The following REN variants were observed in gnomAD, a reference collection of about 807,000 sequenced individuals.
The protein encoded by REN is renin.
A neutral mutation model predicts 48.6 loss-of-function variants in REN; 42 were observed. The observed-to-expected ratio is 0.86, with a 90% CI of 0.68 to 1.12. REN has a LOEUF of 1.12. Among genes scored for constraint, REN ranks in the 50% most tolerant of loss-of-function variants. REN has a pLI of 0.00. For missense variants in REN, 443 were observed against 527.3 expected (o/e 0.84, Z 1.57); for synonymous variants, 196 against 204.6 (o/e 0.96, Z 0.36).
chr1:204,161,698 T>G (rs1219301336), intron 2 of REN, among the ~76,000 whole-genome samples: 1 of 151,940 alleles, frequency 6.6e-6, no homozygotes, highest in African/African-American at 2.4e-5. Flanking sequence ...CAGGAAGCCA[T>G]CAGGTTGTGC....
rs368598464 is a variant in REN, at chr1:204,155,113, G to T, written c.1124C>A (p.Thr375Asn). The T allele has an allele frequency of 6.2e-7, 1 of 1,614,254 alleles. No individual in the cohort carries two copies. The highest frequency in any genetic ancestry group is 8.5e-7 in the Non-Finnish European group (1 of 1,180,040). Residue 375 changes from threonine (T) to asparagine (N), a missense_variant, in exon 10 of 10, where the codon ACT (threonine) becomes AAT (asparagine). Coordinates refer to ENST00000272190, the MANE Select transcript of REN (RefSeq NM_000537.4). ...AIHAMDIPPP[T>N]GPTWALGATF... ...GGCCCCCAGGGCCCAGGTGGGTCCAGTGGGTGGCGGGATATCCATGGCGTG... is the reference window on the plus strand; with the variant it reads ...GGCCCCCAGGGCCCAGGTGGGTCCATTGGGTGGCGGGATATCCATGGCGTG...
Position 204,156,413 on chromosome 1 carries a change from G to A in REN, c.819-94C>T. On this transcript the variant is annotated intron_variant, in intron 7 of 9. Coordinates refer to ENST00000272190, the MANE Select transcript of REN (RefSeq NM_000537.4). This position sits in a 1 kb window ranked among gnomAD's most constrained non-coding sequence, Gnocchi z 4.2. ...TGCATGTCCTTCCTGAGTGTGGGTG[G>A]GTGGGTGGAGGCCACGCTGGTGGCC... is the stretch of plus-strand genomic sequence containing the variant. The A allele has an allele frequency of 1.3e-6, 2 of 1,503,860 alleles. No individual in the cohort carries two copies. The highest frequency in any genetic ancestry group is 1.8e-6 in the Non-Finnish European group (2 of 1,101,994). 93.2% of individuals were successfully genotyped at this position (1,503,860 alleles called of 1,614,324 possible).
In REN at chr1:204,162,053, C is replaced by T. The variant is rs773505649; in HGVS notation, c.209G>A (p.Gly70Asp). 31 of 1,614,090 alleles carry T rather than the reference C, an allele frequency of 1.9e-5. No homozygotes were observed. In the South Asian group the frequency reaches 3.3e-4, roughly 17 times the overall value. ...WSQPMKRLTL[G>D]NTTSSVILTN... is the part of the protein sequence containing the mutation. Reference sequence around the variant, plus strand: ...GAGGATCACGGAGGAGGTGGTGTTGCCAAGTGTCAGCCTCTTCATGGGTTG... The same window carrying T: ...GAGGATCACGGAGGAGGTGGTGTTGTCAAGTGTCAGCCTCTTCATGGGTTG... The change falls in exon 2 of 10, where the codon GGC (glycine) becomes GAC (aspartate). Residue 70 changes from glycine (G) to aspartate (D), a missense_variant. Physicochemically the swap from Gly to Asp is moderately conservative, Grantham distance 94. Transcript: ENST00000272190.
At position 204,156,450 on chromosome 1, in the gene REN, T is replaced by G; in HGVS notation, c.819-131A>C. The G allele has an allele frequency of 7.1e-7, 1 of 1,402,094 alleles. No individual in the cohort carries two copies. Among genetic ancestry groups the G allele is most frequent in the Admixed American group, 1.9e-5 (1 of 51,576 alleles). The allele number at this position is 1,402,094 out of a possible 1,614,324, so 86.9% of individuals were successfully genotyped here. ...CCACGCTGGTGGCCTGTTGAGGCAGTGAGTAGAGGAGGGAAGGTACTGTCA... is the reference window on the plus strand; with the variant it reads ...CCACGCTGGTGGCCTGTTGAGGCAGGGAGTAGAGGAGGGAAGGTACTGTCA... On this transcript the variant is annotated intron_variant, in intron 7 of 9. Coordinates refer to ENST00000272190, the MANE Select transcript of REN (RefSeq NM_000537.4). This position sits in a 1 kb window ranked among gnomAD's most constrained non-coding sequence, Gnocchi z 4.2.
chr1:204,160,019 G>A (rs1214545511), intron 4 of REN, among the ~76,000 whole-genome samples: 4 of 152,180 alleles, frequency 2.6e-5, no homozygotes, highest in Non-Finnish European at 4.4e-5. Context: ...AGGGAGGCAG[G>A]AATCACCCTG....
At chr1:204,163,935 C>G (rs1351643056) in intron 1 of REN, among the ~76,000 whole-genome samples, 1 of 152,182 alleles carries the variant, frequency 6.6e-6, no homozygotes, top group Non-Finnish European at 1.5e-5. Context: ...ACCATGCGAC[C>G]ACTGCTCAAT....
chr1:204,157,346 G>GT lies in REN; in HGVS notation c.698+14dup, dbSNP rs1458774582. ...ACTGGAAGGTCACAGCCATGTGGGGGTTTTGTCTCCTTACTCGGAATCTCT... is the reference window on the plus strand; with the variant it reads ...ACTGGAAGGTCACAGCCATGTGGGGGTTTTTGTCTCCTTACTCGGAATCTCT... On this transcript the variant is annotated intron_variant, in intron 6 of 9. Coordinates refer to ENST00000272190, the MANE Select transcript of REN (RefSeq NM_000537.4). 1.9e-6 allele frequency: 3 copies of GT among 1,614,122 alleles called. No individual in the cohort carries two copies. The highest frequency in any genetic ancestry group is 2.5e-6 in the Non-Finnish European group (3 of 1,180,044).
rs773874328 is a variant in REN at position 204,155,938 on chromosome 1, G to A, written c.961-20C>T. The A allele has an allele frequency of 5.7e-6, 9 of 1,591,246 alleles. No individual in the cohort carries two copies. Among genetic ancestry groups the A allele is most frequent in the Non-Finnish European group, 7.8e-6 (9 of 1,160,174 alleles). On this transcript the variant is annotated intron_variant, in intron 8 of 9. Coordinates refer to ENST00000272190, the MANE Select transcript of REN (RefSeq NM_000537.4). ...GACATACTGGGGTGGGGGGCAAAGA[G>A]AGCCTTCTTGAGTATGGAAGACGTC... is the stretch of plus-strand genomic sequence containing the variant.
rs1313994123 is a variant in REN, at chr1:204,156,524, G to C, written c.818+153C>G. ...CCCTCCCTTCTCTGTTCCCCAGCCT[G>C]GACAGAGCAGGCAGAGAGCAAATGG... On this transcript the variant is annotated intron_variant, in intron 7 of 9. Coordinates refer to ENST00000272190, the MANE Select transcript of REN (RefSeq NM_000537.4). The surrounding 1 kb of genome is among the most constrained non-coding windows in gnomAD (Gnocchi z 4.2). Among the ~76,000 whole-genome samples the C allele has an allele frequency of 6.6e-6, 1 of 152,170 alleles. No homozygotes were observed. Among genetic ancestry groups the C allele is most frequent in the Non-Finnish European group, 1.5e-5 (1 of 68,020 alleles).
In REN at chr1:204,166,246, GAGC is replaced by G. The variant is rs1571652012; in HGVS notation, c.45_47del (p.Leu16del). The stretch of plus-strand genomic sequence containing the variant: ...GGAGACCAAAGGTACAGGAGCCCCA[GAGC>G]AGCAGCAGCAGTCCCCAGCGAGGCA... On this transcript the variant is annotated inframe_deletion, in exon 1 of 10. Transcript: ENST00000272190. 6.2e-7 allele frequency: 1 copy of G among 1,614,064 alleles called. No homozygotes were observed. Among genetic ancestry groups the G allele is most frequent in the Non-Finnish European group, 8.5e-7 (1 of 1,179,918 alleles).
Position 204,155,885 on chromosome 1 carries a change from G to A in REN, c.994C>T (p.Pro332Ser). ...CCTCCCAGGTGGAAAGAGATGTCGG[G>A]GAGTGTAGGGCCCTCGTTACACTTC... ...VVKCNEGPTL[P>S]DISFHLGGKE... is the part of the protein sequence containing the mutation. Residue 332 changes from proline (P) to serine (S), a missense_variant, in exon 9 of 10, where the codon CCC becomes TCC. Coordinates refer to ENST00000272190, the MANE Select transcript of REN (RefSeq NM_000537.4). 1 of 1,614,104 alleles carries A rather than the reference G, an allele frequency of 6.2e-7. No homozygotes were observed. Among genetic ancestry groups the A allele is most frequent in the South Asian group, 1.1e-5 (1 of 91,054 alleles).
chr1:204,159,735 C>T, intron 4 of REN, 140 bp from the exon 5 acceptor site: 2 of 720,062 alleles, frequency 2.8e-6, no homozygotes, highest in East Asian at 5.3e-5. Context: ...TTCCTCAACC[C>T]TGCACGCACA....
In REN at chr1:204,161,429, AAGAG is replaced by A; in HGVS notation, c.250-18_250-15del. On this transcript the variant is annotated splice_polypyrimidine_tract_variant and intron_variant, in intron 2 of 9. Coordinates refer to ENST00000272190, the MANE Select transcript of REN (RefSeq NM_000537.4). Reference sequence around the variant, plus strand: ...ATAGTACTGGGTCTGTGGGGGTAAAAAGAGAGGGCTGGAGGGGCTCAGGGGACCT... The same window carrying A: ...ATAGTACTGGGTCTGTGGGGGTAAAAAGGGCTGGAGGGGCTCAGGGGACCT... 6.6e-7 allele frequency: 1 copy of A among 1,521,712 alleles called. No homozygotes were observed. The highest frequency in any genetic ancestry group is 8.9e-7 in the Non-Finnish European group (1 of 1,128,948). The allele number at this position is 1,521,712 out of a possible 1,614,324, so 94.3% of individuals were successfully genotyped here.
chr1:204,155,485 A>G (rs1268214253), intron 9 of REN, among the ~76,000 whole-genome samples: 1 of 152,240 alleles, frequency 6.6e-6, no homozygotes. Context: ...CCTATTGATT[A>G]TGAAAAGAGG....
intron 8 of REN, 74 bp from the exon 9 acceptor site, chr1:204,155,992 G>T (rs1287754112): frequency 1.4e-6 from 2 of 1,453,358 alleles, no homozygotes; most frequent in African/African-American, 1.4e-5. Context: ...TGCGCTGGTG[G>T]CCTGGTCTCT....
Position 204,163,799 on chromosome 1 carries a change from C to T in REN, c.99-1636G>A, listed in dbSNP as rs776010601. Among the ~76,000 whole-genome samples, 27 of 152,160 alleles carry T rather than the reference C, an allele frequency of 1.8e-4. 1 individual carries two copies. Among genetic ancestry groups the T allele is most frequent in the Non-Finnish European group, 2.9e-5 (2 of 68,030 alleles). On this transcript the variant is annotated intron_variant, in intron 1 of 9. Coordinates refer to ENST00000272190, the MANE Select transcript of REN (RefSeq NM_000537.4). ...GGTTGCAGGGGGCATGCCTGAATCC[C>T]CTTACCACTTATGTGATTCTGAGAA...
intron 1 of REN, 80 bp downstream of exon 1, chr1:204,166,116 G>T: frequency 2.6e-6 from 3 of 1,133,060 alleles, no homozygotes; most frequent in Admixed American, 1.7e-5. Flanking sequence ...GAATGACACC[G>T]CATGTGGAAA....
intron 5 of REN, 119 bp downstream of exon 5, chr1:204,159,280 T>G (rs144937210): frequency 1.2e-6 from 1 of 850,506 alleles, no homozygotes; most frequent in Non-Finnish European, 2.0e-6. Context: ...GCTCTAGATA[T>G]TGATTGGCTG....
chr1:204,164,139 G>A (rs1475586786), intron 1 of REN, among the ~76,000 whole-genome samples: 1 of 152,182 alleles, frequency 6.6e-6, no homozygotes, highest in African/African-American at 2.4e-5. Flanking sequence ...GATAACAGCA[G>A]GGGAAGATGT....
Sources: gnomAD v4.1 joint callset for allele counts (sites outside exome capture counted in the v4.1 genomes callset) on GRCh38, gnomAD v4.1.1 for gene constraint, Gnocchi (gnomAD v3.1) non-coding constraint, MANE v1.5 for transcripts, NCBI Gene and HGNC (gene_info 2026-07-23, HGNC 2026-07-21) for gene names.